Variants in FAF1 observed in about 807,000 individuals in gnomAD.
The protein encoded by FAF1 is FAS-associated factor 1.
FAF1 carries 25 observed loss-of-function variants against 92.5 expected under a neutral mutation model. The observed-to-expected ratio is 0.27, with a 90% CI of 0.20 to 0.38. FAF1 has a LOEUF of 0.38. FAF1 is among the 10% of genes least tolerant of loss of function. The pLI is 1.00. For missense variants in FAF1, 636 were observed against 793.3 expected, an observed-to-expected ratio of 0.80 and a Z score of 2.38; for synonymous variants, 234 against 273.2, an observed-to-expected ratio of 0.86 and a Z score of 1.42.
intron 2 of FAF1, among the ~76,000 whole-genome samples, chr1:50,829,035 A>C (rs1227861191): frequency 1.3e-5 from 2 of 152,240 alleles, no homozygotes; most frequent in Non-Finnish European, 2.9e-5. Context: ...GGCTATTAAT[A>C]ATCTGGGAAG....
At chr1:50,624,354 T>C (rs1252808945) in intron 8 of FAF1, among the ~76,000 whole-genome samples, 1 of 152,174 alleles carries the variant, frequency 6.6e-6, no homozygotes, top group African/African-American at 2.4e-5. Flanking sequence ...TTCACTGTGC[T>C]GGCCAGGCTG....
At chr1:50,459,406 A>G (rs1457357960) in intron 18 of FAF1, among the ~76,000 whole-genome samples, 3 of 152,204 alleles carry the variant, frequency 2.0e-5, no homozygotes, top group Non-Finnish European at 4.4e-5. Flanking sequence ...TCTCTGCTAG[A>G]AAGTACCACC....
At chr1:50,793,018 A>C (rs1394798782) in intron 3 of FAF1, among the ~76,000 whole-genome samples, 1 of 151,938 alleles carries the variant, frequency 6.6e-6, no homozygotes, top group African/African-American at 2.4e-5. Context: ...TTTATGGCGG[A>C]GTCTCGAACT....
At chr1:50,595,338 G>A (rs573128961) in intron 9 of FAF1, among the ~76,000 whole-genome samples, 10 of 152,142 alleles carry the variant, frequency 6.6e-5, no homozygotes, top group Non-Finnish European at 1.3e-4. Flanking sequence ...ACAGGTGTAA[G>A]TCACTGTACC....
At chr1:50,949,585 T>C (rs1310121024) in intron 1 of FAF1, among the ~76,000 whole-genome samples, 3 of 152,186 alleles carry the variant, frequency 2.0e-5, no homozygotes, top group African/African-American at 7.2e-5. Flanking sequence ...TTGCAGGACA[T>C]GCAGTCAACT....
At chr1:50,929,081 A>AG (rs1030239535) in intron 1 of FAF1, among the ~76,000 whole-genome samples, 4 of 59,194 alleles carry the variant, frequency 6.8e-5, no homozygotes, top group Middle Eastern at 6.8e-3. Context: ...CAAAAAAAAA[A>AG]AAAAAAAAGA....
intron 17 of FAF1, among the ~76,000 whole-genome samples, chr1:50,489,618 C>T (rs1011851576): frequency 1.3e-5 from 2 of 152,186 alleles, no homozygotes; most frequent in African/African-American, 4.8e-5. Context: ...TGTTCCCTAA[C>T]AGATTTGGAG....
intron 8 of FAF1, among the ~76,000 whole-genome samples, chr1:50,609,017 G>A (rs1557433134): frequency 6.6e-6 from 1 of 152,220 alleles, no homozygotes; most frequent in East Asian, 1.9e-4. Context: ...AATCACTCTG[G>A]GGGAACAGAC....
chr1:50,829,910 A>T (rs1017651431), intron 2 of FAF1, among the ~76,000 whole-genome samples: 1 of 152,252 alleles, frequency 6.6e-6, no homozygotes, highest in Admixed American at 6.5e-5. Flanking sequence ...TTGTGAGGTT[A>T]CAAAAGAAAT....
At chr1:50,556,238 C>CA (rs34420030) in intron 13 of FAF1, among the ~76,000 whole-genome samples, 2,533 of 73,324 alleles carry the variant, frequency 0.035, 24 homozygotes, top group Middle Eastern at 0.074. Context: ...ACTCCATCTC[C>CA]AAAAAAAAAA....
intron 17 of FAF1, among the ~76,000 whole-genome samples, chr1:50,477,123 T>C (rs1397518426): frequency 6.6e-6 from 1 of 152,196 alleles, no homozygotes; most frequent in Non-Finnish European, 1.5e-5. Context: ...GCAGGTGAAT[T>C]TGGTTGGTTC....
chr1:50,864,769 C>T (rs1199496562), intron 1 of FAF1, among the ~76,000 whole-genome samples: 11 of 152,142 alleles, frequency 7.2e-5, no homozygotes, highest in Admixed American at 5.2e-4. Context: ...CCATTCAGGA[C>T]GTAGGCATGG....
At chr1:50,943,149 C>T (rs549299586) in intron 1 of FAF1, among the ~76,000 whole-genome samples, 4 of 152,208 alleles carry the variant, frequency 2.6e-5, no homozygotes, top group Non-Finnish European at 5.9e-5. Context: ...CACAAGTATG[C>T]CACTATCAGG....
chr1:50,670,166 TTTTAAG>T lies in FAF1; in HGVS notation c.658-14644_658-14639del, dbSNP rs914683882. 9.2e-5 allele frequency among the ~76,000 whole-genome samples: 14 copies of T among 151,498 alleles called. No individual in the cohort carries two copies. The East Asian group carries it at 1.7e-3, about 19-fold the overall frequency. On this transcript the variant is annotated intron_variant, in intron 7 of 18. Transcript: ENST00000396153. The stretch of plus-strand genomic sequence containing the variant: ...AAAAAAATTAAACTTTAAAAAAATG[TTTTAAG>T]TTTATTTATTTATATTTGGAGCAGC...
chr1:50,446,887 A>G lies in FAF1; in HGVS notation c.1870-5364T>C, dbSNP rs115517749. On this transcript the variant is annotated intron_variant, in intron 18 of 18. Coordinates refer to ENST00000396153, the MANE Select transcript of FAF1 (RefSeq NM_007051.3). ...CTTGGAAATCAGCCCCACTCTGTAGATTAGGAAACAAGACCCAGAGACTGG... is the reference window on the plus strand; with the variant it reads ...CTTGGAAATCAGCCCCACTCTGTAGGTTAGGAAACAAGACCCAGAGACTGG... Among the ~76,000 whole-genome samples, 1,496 of 152,072 alleles carry G rather than the reference A, an allele frequency of 9.8e-3. 24 individuals carry two copies. Among genetic ancestry groups the G allele is most frequent in the African/African-American group, 0.034 (1,423 of 41,480 alleles).
At chr1:50,468,190 C>T (rs1646523110) in intron 18 of FAF1, among the ~76,000 whole-genome samples, 1 of 152,070 alleles carries the variant, frequency 6.6e-6, no homozygotes, top group African/African-American at 2.4e-5. Flanking sequence ...GCCTGTATGA[C>T]AGAGTGAGAC....
At chr1:50,480,203 A>C (rs903766933) in intron 17 of FAF1, among the ~76,000 whole-genome samples, 1 of 152,178 alleles carries the variant, frequency 6.6e-6, no homozygotes, top group Admixed American at 6.5e-5. Flanking sequence ...GGGATGAGAA[A>C]TGGGGCTATT....
chr1:50,535,223 A>G (rs1460452904), intron 15 of FAF1, 146 bp downstream of exon 15: 2 of 574,562 alleles, frequency 3.5e-6, no homozygotes. Flanking sequence ...GGTAAACTCC[A>G]TAGCATAAAA....
At chr1:50,885,363 T>C (rs1644652302) in intron 1 of FAF1, among the ~76,000 whole-genome samples, 3 of 144,452 alleles carry the variant, frequency 2.1e-5, no homozygotes, top group African/African-American at 7.9e-5. Flanking sequence ...TTTACATATC[T>C]AGGTGCCCCA....
Sources: gnomAD v4.1 joint callset for allele counts (sites outside exome capture counted in the v4.1 genomes callset) on GRCh38, gnomAD v4.1.1 for gene constraint, MANE v1.5 for transcripts, NCBI Gene and HGNC (gene_info 2026-07-23, HGNC 2026-07-21) for gene names.